Variants in NCKAP5 observed in about 807,000 individuals in gnomAD.
The protein encoded by NCKAP5 is nck-associated protein 5.
A neutral mutation model predicts 167.0 loss-of-function variants in NCKAP5; 92 were observed. The observed-to-expected ratio is 0.55, with a 90% CI of 0.47 to 0.66. The LOEUF is 0.66. Among genes scored for constraint, NCKAP5 ranks in the 30% least tolerant of loss-of-function variants. The pLI, the probability that NCKAP5 is intolerant of heterozygous loss-of-function variation, is 0.00. For synonymous variants in NCKAP5, 891 were observed against 877.4 expected, an observed-to-expected ratio of 1.02 and a Z score of -0.27; for missense variants, 2,378 against 2,315.0, an observed-to-expected ratio of 1.03 and a Z score of -0.56.
At chr2:133,328,761 G>T (rs2150710868) in intron 3 of NCKAP5, among the ~76,000 whole-genome samples, 1 of 152,244 alleles carries the variant, frequency 6.6e-6, no homozygotes, top group African/African-American at 2.4e-5. Context: ...ATTATTCAAA[G>T]GGTAGACTAG....
intron 4 of NCKAP5, among the ~76,000 whole-genome samples, chr2:133,258,360 T>A (rs1280938216): frequency 6.6e-6 from 1 of 152,160 alleles, no homozygotes; most frequent in Non-Finnish European, 1.5e-5. Flanking sequence ...CTACCCAACA[T>A]CACCTCTGAC....
chr2:133,468,488 T>G (rs1411160523), intron 3 of NCKAP5, among the ~76,000 whole-genome samples: 1 of 151,504 alleles, frequency 6.6e-6, no homozygotes, highest in Non-Finnish European at 1.5e-5. Flanking sequence ...GTATATTCTG[T>G]TGATTTGGGG....
chr2:133,472,283 T>C (rs1027152108), intron 3 of NCKAP5, among the ~76,000 whole-genome samples: 1 of 152,188 alleles, frequency 6.6e-6, no homozygotes, highest in African/African-American at 2.4e-5. Flanking sequence ...ATCATTTTAA[T>C]GTCTGCATAC....
At position 132,935,989 on chromosome 2, in the gene NCKAP5, T is replaced by C. The variant is rs183875103; in HGVS notation, c.579+27731A>G. Among the ~76,000 whole-genome samples the C allele has an allele frequency of 5.7e-3, 867 of 151,542 alleles. 6 individuals carry two copies. The highest frequency in any genetic ancestry group is 0.018 in the African/African-American group (762 of 41,396). ...AAATAATATTTTTTTTCTTTTTTTTTTTTTTTCCTTGAGACAGAGTCCCGC... is the reference window on the plus strand; with the variant it reads ...AAATAATATTTTTTTTCTTTTTTTTCTTTTTTCCTTGAGACAGAGTCCCGC... On this transcript the variant is annotated intron_variant, in intron 8 of 19. Coordinates refer to ENST00000409261, the MANE Select transcript of NCKAP5 (RefSeq NM_207363.3).
At chr2:133,041,556 G>A (rs1296947481) in intron 6 of NCKAP5, among the ~76,000 whole-genome samples, 1 of 152,050 alleles carries the variant, frequency 6.6e-6, no homozygotes, top group Non-Finnish European at 1.5e-5. Flanking sequence ...TTTGCATATA[G>A]CATTGATGTG....
intron 3 of NCKAP5, among the ~76,000 whole-genome samples, chr2:133,385,329 G>A (rs943095128): frequency 3.3e-5 from 5 of 152,174 alleles, no homozygotes; most frequent in Non-Finnish European, 7.3e-5. Context: ...CTTTGGTTCT[G>A]TTTATATGTT....
At chr2:133,460,777 G>A (rs374986838) in intron 3 of NCKAP5, among the ~76,000 whole-genome samples, 1 of 152,180 alleles carries the variant, frequency 6.6e-6, no homozygotes, top group Non-Finnish European at 1.5e-5. Flanking sequence ...TTTTATTAAG[G>A]AGAGAAAAAT....
intron 4 of NCKAP5, among the ~76,000 whole-genome samples, chr2:133,283,620 T>C (rs1469056098): frequency 6.6e-6 from 1 of 151,912 alleles, no homozygotes; most frequent in Non-Finnish European, 1.5e-5. Flanking sequence ...GGATTTTTTT[T>C]TTTTTTTTGA....
At chr2:133,313,651 T>TC (rs1013343195) in intron 3 of NCKAP5, among the ~76,000 whole-genome samples, 1 of 151,614 alleles carries the variant, frequency 6.6e-6, no homozygotes, top group Admixed American at 6.6e-5. Flanking sequence ...TTGTTTTTGT[T>TC]TTTTTTTTCT....
At chr2:133,554,787 C>T (rs1340586340) in intron 2 of NCKAP5, among the ~76,000 whole-genome samples, 1 of 152,004 alleles carries the variant, frequency 6.6e-6, no homozygotes, top group Admixed American at 6.6e-5. Context: ...TGATTGGGGT[C>T]CCTATAAAAG....
chr2:133,506,173 T>C (rs988775401), intron 3 of NCKAP5, among the ~76,000 whole-genome samples: 7 of 152,214 alleles, frequency 4.6e-5, no homozygotes, highest in Non-Finnish European at 1.0e-4. Flanking sequence ...GAGAACACCA[T>C]GTCACTGGTT....
the NCKAP5 span, among the ~76,000 whole-genome samples, chr2:133,649,669 C>A: frequency 1.3e-5 from 2 of 152,004 alleles, no homozygotes; most frequent in Admixed American, 1.3e-4. Context: ...ATAGAAAAAG[C>A]ATTTGGCAAA....
chr2:132,696,779 C>T (rs950342769), intron 19 of NCKAP5, among the ~76,000 whole-genome samples: 23 of 152,092 alleles, frequency 1.5e-4, no homozygotes, highest in Non-Finnish European at 2.5e-4. Flanking sequence ...TTTAAATGAC[C>T]ATGGTAACCA....
intron 3 of NCKAP5, among the ~76,000 whole-genome samples, chr2:133,360,490 G>A (rs1283444702): frequency 6.6e-6 from 1 of 152,014 alleles, no homozygotes; most frequent in Non-Finnish European, 1.5e-5. Context: ...GGAGAGAGAG[G>A]GGCTCAGTGA....
chr2:132,878,825 A>C, intron 9 of NCKAP5, 23 bp downstream of exon 9: 1 of 1,589,532 alleles, frequency 6.3e-7, no homozygotes, highest in Non-Finnish European at 8.6e-7. Context: ...GCCTTGGATC[A>C]GGAGCCTCTC....
At chr2:133,506,893 A>G (rs1407561129) in intron 3 of NCKAP5, among the ~76,000 whole-genome samples, 1 of 152,190 alleles carries the variant, frequency 6.6e-6, no homozygotes, top group Non-Finnish European at 1.5e-5. Context: ...AAGTTACTCA[A>G]ATCCTCTAAG....
intron 16 of NCKAP5, among the ~76,000 whole-genome samples, chr2:132,767,405 C>T (rs933364438): frequency 2.6e-5 from 4 of 152,274 alleles, no homozygotes; most frequent in South Asian, 2.1e-4. Context: ...CACCACCACG[C>T]CTGGCTAATT....
intron 16 of NCKAP5, among the ~76,000 whole-genome samples, chr2:132,766,983 A>G (rs1398845683): frequency 1.3e-5 from 2 of 152,204 alleles, no homozygotes; most frequent in Non-Finnish European, 2.9e-5. Context: ...CGTCTGTGTT[A>G]CCAGAATGGC....
At chr2:133,002,317 A>G (rs1178531140) in intron 6 of NCKAP5, among the ~76,000 whole-genome samples, 1 of 152,220 alleles carries the variant, frequency 6.6e-6, no homozygotes, top group Non-Finnish European at 1.5e-5. Flanking sequence ...GTCTATGATA[A>G]AGTTTAATGT....
Sources: allele counts gnomAD v4.1 joint callset (sites outside exome capture counted in the v4.1 genomes callset), GRCh38; gene constraint gnomAD v4.1.1; transcripts MANE v1.5; gene names NCBI Gene and HGNC (gene_info 2026-07-23, HGNC 2026-07-21).